RBM6: variants seen among roughly 807,000 people sequenced by gnomAD.
RBM6 encodes the protein RNA binding motif protein 6.
In RBM6, 23 loss-of-function variants were observed where a neutral mutation model predicts 140.4. That is an observed-to-expected ratio of 0.16 (90% CI 0.12 to 0.23). The LOEUF (loss-of-function observed/expected upper bound fraction) is 0.23. RBM6 is among the 10% of genes least tolerant of loss of function. RBM6 has a pLI of 1.00. For synonymous variants in RBM6, 439 were observed against 475.6 expected, an observed-to-expected ratio of 0.92 and a Z score of 1.00; for missense variants, 1,139 against 1,386.7, an observed-to-expected ratio of 0.82 and a Z score of 2.84.
At chr3:50,062,160 T>G (rs2089965551) in intron 15 of RBM6, 52 bp downstream of exon 15, 1 of 1,581,208 alleles carries the variant, frequency 6.3e-7, no homozygotes, top group South Asian at 1.2e-5. Context: ...ATTAAAATGT[T>G]GGAGGTACGA....
At chr3:50,019,919 T>G (rs967850114) in intron 6 of RBM6, among the ~76,000 whole-genome samples, 4 of 140,650 alleles carry the variant, frequency 2.8e-5, no homozygotes, top group Non-Finnish European at 6.2e-5. Context: ...CATTAATTGA[T>G]TTTTTTTTTT....
intron 8 of RBM6, among the ~76,000 whole-genome samples, chr3:50,056,374 A>G (rs2089697463): frequency 1.3e-5 from 2 of 151,782 alleles, no homozygotes; most frequent in African/African-American, 4.8e-5. Context: ...GGCTCACTGC[A>G]AGCTCTGCCT....
chr3:50,029,483 C>T (rs559624809), intron 6 of RBM6, among the ~76,000 whole-genome samples: 33 of 152,316 alleles, frequency 2.2e-4, no homozygotes, highest in South Asian at 6.2e-4. Flanking sequence ...GCCTGTCATC[C>T]CAGCACTTTG....
At chr3:49,941,670 A>AAAAAAC (rs2083288832) in intron 1 of RBM6, among the ~76,000 whole-genome samples, 2 of 146,812 alleles carry the variant, frequency 1.4e-5, no homozygotes, top group African/African-American at 5.1e-5. Flanking sequence ...AAAAAAAAAA[A>AAAAAAC]CCCGCAAAAC....
At chr3:50,001,648 A>C (rs1341585911) in intron 6 of RBM6, among the ~76,000 whole-genome samples, 1 of 152,166 alleles carries the variant, frequency 6.6e-6, no homozygotes, top group Non-Finnish European at 1.5e-5. Flanking sequence ...CCCTGTGGAC[A>C]CCAAGGGACA....
intron 6 of RBM6, among the ~76,000 whole-genome samples, chr3:50,022,219 G>C (rs999889224): frequency 2.6e-5 from 4 of 151,992 alleles, no homozygotes; most frequent in Non-Finnish European, 4.4e-5. Context: ...CTTGTATTGG[G>C]TAGTAGTACA....
At chr3:49,993,185 G>C (rs1379532298) in intron 5 of RBM6, among the ~76,000 whole-genome samples, 1 of 152,136 alleles carries the variant, frequency 6.6e-6, no homozygotes, top group African/African-American at 2.4e-5. Flanking sequence ...AATTGAGTAA[G>C]GGCGAGTGTT....
Position 50,009,429 on chromosome 3 carries a change from A to C in RBM6, c.1557+9916A>C, listed in dbSNP as rs76426313. Among the ~76,000 whole-genome samples, 497 of 152,330 alleles carry C rather than the reference A, an allele frequency of 3.3e-3. 4 individuals are homozygous for C. Among genetic ancestry groups the C allele is most frequent in the African/African-American group, 0.012 (486 of 41,572 alleles). On this transcript the variant is annotated intron_variant, in intron 6 of 20. Coordinates refer to ENST00000266022, the MANE Select transcript of RBM6 (RefSeq NM_005777.3). ...TCAAGTTGAACTTGGAGGTTACAGT[A>C]TATCTTTATGTCCCCCTCTCCACAG...
chr3:49,961,585 T>A (rs1006742099), intron 1 of RBM6, among the ~76,000 whole-genome samples: 1 of 148,996 alleles, frequency 6.7e-6, no homozygotes, highest in Non-Finnish European at 1.5e-5. Context: ...TGGATCACAA[T>A]GTTAGGAGTT....
chr3:50,004,197 T>G (rs567006383), intron 6 of RBM6, among the ~76,000 whole-genome samples: 1 of 152,344 alleles, frequency 6.6e-6, no homozygotes, highest in East Asian at 1.9e-4. Context: ...AGTGCCCTTA[T>G]AGAAGATAAC....
chr3:49,983,346 G>A (rs948563442), intron 5 of RBM6, among the ~76,000 whole-genome samples: 1 of 152,042 alleles, frequency 6.6e-6, no homozygotes, highest in Non-Finnish European at 1.5e-5. Flanking sequence ...ATGCACAGTA[G>A]CCGAGTGTGG....
In RBM6 at chr3:50,059,850, AC is replaced by A. The variant is rs1388582057; in HGVS notation, c.2228+105del. 4 of 837,172 alleles carry A rather than the reference AC, an allele frequency of 4.8e-6. No individual in the cohort carries two copies. In the African/African-American group the frequency reaches 6.9e-5, roughly 14 times the overall value. 51.9% of individuals were successfully genotyped at this position (837,172 alleles called of 1,614,324 possible). On this transcript the variant is annotated intron_variant, in intron 11 of 20. Coordinates refer to ENST00000266022, the MANE Select transcript of RBM6 (RefSeq NM_005777.3). ...AACAGTAAAGCATGATGTTTTCCTA[AC>A]ATGGACTGCTTCAGATAGGTGTTTA...
rs1371244714 is a variant in RBM6 at position 50,061,231 on chromosome 3, C to A, written c.2353+10C>A. ...CGACAAGGACAACAGTGTAAGTAAC[C>A]TTTGTTTTATTTCTGTTGCTCTTTT... On this transcript the variant is annotated intron_variant, in intron 13 of 20. Coordinates refer to ENST00000266022, the MANE Select transcript of RBM6 (RefSeq NM_005777.3). 1 of 1,613,618 alleles carries A rather than the reference C, an allele frequency of 6.2e-7. No homozygotes were observed.
chr3:50,057,413 C>T (rs937415128), intron 8 of RBM6, among the ~76,000 whole-genome samples: 1 of 151,890 alleles, frequency 6.6e-6, no homozygotes, highest in Non-Finnish European at 1.5e-5. Flanking sequence ...ATGGTGAAAC[C>T]TCGTTTCTAC....
At chr3:50,007,625 C>T (rs1017609067) in intron 6 of RBM6, among the ~76,000 whole-genome samples, 9 of 151,928 alleles carry the variant, frequency 5.9e-5, no homozygotes, top group Admixed American at 4.6e-4. Flanking sequence ...CTCCGCCTCC[C>T]GGGTTCACAC....
chr3:50,048,229 G>C lies in RBM6; in HGVS notation c.1558-16G>C, dbSNP rs373567321. On this transcript the variant is annotated splice_polypyrimidine_tract_variant and intron_variant, in intron 6 of 20. Coordinates refer to ENST00000266022, the MANE Select transcript of RBM6 (RefSeq NM_005777.3). ...CCAAGGGTTGATGTTGATGGCTTCTGTCTTTGTCTTTACAGGGAACTCTAA... is the reference window on the plus strand; with the variant it reads ...CCAAGGGTTGATGTTGATGGCTTCTCTCTTTGTCTTTACAGGGAACTCTAA... 4.8e-5 allele frequency: 78 copies of C among 1,611,724 alleles called. No homozygotes were observed. In the East Asian group the frequency reaches 1.0e-3, roughly 21 times the overall value.
chr3:50,043,197 C>G (rs2089023614), intron 6 of RBM6, among the ~76,000 whole-genome samples: 1 of 152,024 alleles, frequency 6.6e-6, no homozygotes, highest in African/African-American at 2.4e-5. Context: ...TATATGGTAC[C>G]TCTTAGCCGG....
At chr3:50,061,811 G>A (rs780909748) in intron 14 of RBM6, 151 bp from the exon 15 acceptor site, 1 of 1,267,998 alleles carries the variant, frequency 7.9e-7, no homozygotes, top group Non-Finnish European at 1.1e-6. Flanking sequence ...CCTGGTCCCT[G>A]GAGTGGGTTT....
chr3:49,955,568 C>T (rs995299400), intron 1 of RBM6, among the ~76,000 whole-genome samples: 6 of 152,006 alleles, frequency 3.9e-5, no homozygotes, highest in Non-Finnish European at 7.4e-5. Context: ...CTAGGCTGGG[C>T]GCAGTGGCTC....
Sources: allele counts gnomAD v4.1 joint callset (sites outside exome capture counted in the v4.1 genomes callset), GRCh38; gene constraint gnomAD v4.1.1; transcripts MANE v1.5; gene names NCBI Gene and HGNC (gene_info 2026-07-23, HGNC 2026-07-21).